The following FCHSD2 variants were observed in gnomAD, a reference collection of about 807,000 sequenced individuals.
The protein encoded by FCHSD2 is FCH and double SH3 domains 2, also known as F-BAR and double SH3 domains protein 2.
Under a neutral mutation model 108.1 loss-of-function variants are expected in FCHSD2, and 38 were observed. The ratio of observed to expected loss-of-function variants is 0.35; its 90% CI spans 0.27 to 0.46. The LOEUF is 0.46. Ranked by LOEUF, FCHSD2 falls within the 20% of genes least tolerant of loss-of-function variation. The probability of loss-of-function intolerance (pLI) is 1.00; values close to 1 mark genes in which losing one functional copy is unlikely to be tolerated. For missense variants in FCHSD2, 751 were observed against 897.8 expected (o/e 0.84, Z 2.09); for synonymous variants, 279 against 314.7 (o/e 0.89, Z 1.20).
chr11:73,020,553 T>C (rs937318555), intron 3 of FCHSD2, among the ~76,000 whole-genome samples: 4 of 152,218 alleles, frequency 2.6e-5, no homozygotes, highest in African/African-American at 9.6e-5. Flanking sequence ...ATTATGCAAT[T>C]ATTACCTTTA....
intron 13 of FCHSD2, among the ~76,000 whole-genome samples, chr11:72,858,249 G>C (rs1292571478): frequency 6.6e-6 from 1 of 152,118 alleles, no homozygotes; most frequent in Non-Finnish European, 1.5e-5. Context: ...AATACAACAT[G>C]AGTAAGTTAT....
At chr11:72,938,690 C>G (rs754716319) in intron 8 of FCHSD2, among the ~76,000 whole-genome samples, 1 of 152,044 alleles carries the variant, frequency 6.6e-6, no homozygotes, top group Non-Finnish European at 1.5e-5. Context: ...TTCTTTTACT[C>G]GTATTCTACA....
At chr11:73,057,528 GA>G (rs1235225682) in intron 3 of FCHSD2, among the ~76,000 whole-genome samples, 1 of 152,110 alleles carries the variant, frequency 6.6e-6, no homozygotes, top group Non-Finnish European at 1.5e-5. Context: ...GGAAAGGACA[GA>G]AGGGAAGAAG....
chr11:72,970,245 C>T (rs778520531), intron 8 of FCHSD2, among the ~76,000 whole-genome samples: 8 of 152,166 alleles, frequency 5.3e-5, no homozygotes, highest in Non-Finnish European at 8.8e-5. Context: ...ACAGTGCTCA[C>T]CACCTCAAGT....
intron 8 of FCHSD2, among the ~76,000 whole-genome samples, chr11:72,983,286 T>C (rs1315850771): frequency 7.0e-6 from 1 of 143,038 alleles, no homozygotes; most frequent in African/African-American, 2.6e-5. Flanking sequence ...AGAGCGAGAC[T>C]CCGTCTCAAA....
chr11:73,106,866 T>C (rs1339413185), intron 2 of FCHSD2, among the ~76,000 whole-genome samples: 1 of 152,144 alleles, frequency 6.6e-6, no homozygotes, highest in East Asian at 1.9e-4. Context: ...GTACATTCTA[T>C]GATGTTGATA....
At chr11:72,932,701 A>G (rs1373194501) in intron 8 of FCHSD2, among the ~76,000 whole-genome samples, 1 of 152,196 alleles carries the variant, frequency 6.6e-6, no homozygotes, top group Non-Finnish European at 1.5e-5. Context: ...TGATCATAGC[A>G]TACAACCTCA....
At chr11:72,992,156 T>C (rs1857428678) in intron 5 of FCHSD2, among the ~76,000 whole-genome samples, 1 of 152,124 alleles carries the variant, frequency 6.6e-6, no homozygotes, top group African/African-American at 2.4e-5. Flanking sequence ...TGAACTCCCA[T>C]TCACAACTGC....
intron 4 of FCHSD2, among the ~76,000 whole-genome samples, chr11:73,003,055 A>C (rs148171052): frequency 1.3e-5 from 2 of 152,316 alleles, no homozygotes; most frequent in Non-Finnish European, 2.9e-5. Flanking sequence ...AAAAAGACAA[A>C]TCCTTTCATT....
At chr11:73,005,431 T>C (rs1857718780) in intron 4 of FCHSD2, among the ~76,000 whole-genome samples, 1 of 152,156 alleles carries the variant, frequency 6.6e-6, no homozygotes, top group Admixed American at 6.6e-5. Flanking sequence ...TAGTTTATCC[T>C]TCTTGAAATG....
At chr11:72,944,955 C>T (rs554722760) in intron 8 of FCHSD2, among the ~76,000 whole-genome samples, 6 of 152,226 alleles carry the variant, frequency 3.9e-5, no homozygotes, top group South Asian at 2.1e-4. Flanking sequence ...GAATCAATAT[C>T]GTGAAAATGG....
intron 12 of FCHSD2, among the ~76,000 whole-genome samples, chr11:72,877,675 T>G: frequency 6.6e-6 from 1 of 152,206 alleles, no homozygotes; most frequent in South Asian, 2.1e-4. Flanking sequence ...GTTGTAGTTC[T>G]GAAAGTGCTT....
chr11:73,120,586 G>T (rs1036432927), intron 2 of FCHSD2, among the ~76,000 whole-genome samples: 6 of 151,852 alleles, frequency 4.0e-5, no homozygotes, highest in African/African-American at 1.5e-4. Context: ...AAAATTAGCC[G>T]GGCGTGGTGG....
intron 9 of FCHSD2, among the ~76,000 whole-genome samples, chr11:72,915,986 T>C (rs1349028840): frequency 6.6e-6 from 1 of 152,188 alleles, no homozygotes; most frequent in African/African-American, 2.4e-5. Flanking sequence ...AAATACCACA[T>C]GTTCTCATTT....
chr11:72,838,957 G>C (rs955776867), intron 19 of FCHSD2, 83 bp from the exon 20 acceptor site: 13 of 1,297,586 alleles, frequency 1.0e-5, no homozygotes, highest in African/African-American at 1.5e-5. Flanking sequence ...TCACTCATCT[G>C]TCCAAGGACA....
At chr11:73,078,701 T>C (rs1412475816) in intron 3 of FCHSD2, among the ~76,000 whole-genome samples, 2 of 151,768 alleles carry the variant, frequency 1.3e-5, no homozygotes, top group African/African-American at 4.8e-5. Flanking sequence ...GGGGCCCTGA[T>C]AATGTTCTTG....
chr11:73,029,408 T>C (rs370021960), intron 3 of FCHSD2, among the ~76,000 whole-genome samples: 19 of 152,250 alleles, frequency 1.2e-4, no homozygotes, highest in African/African-American at 4.3e-4. Context: ...CAGAGAAAGA[T>C]TTGGAGAGTA....
chr11:72,883,058 A>AAAGG lies in FCHSD2; in HGVS notation c.1146+4411_1146+4412insCCTT, dbSNP rs562502229. Among the ~76,000 whole-genome samples, 241 of 152,328 alleles carry AAAGG rather than the reference A, an allele frequency of 1.6e-3. 1 individual carries two copies. The highest frequency in any genetic ancestry group is 5.0e-3 in the South Asian group (24 of 4,826). On this transcript the variant is annotated intron_variant, in intron 12 of 19. Transcript: ENST00000409418. ...CGGGTGCAAAGGTAATGGGAAAAGC[A>AAAGG]TACTCTTTAAAATATGATGGTGGAA...
At chr11:73,028,468 G>A (rs866514113) in intron 3 of FCHSD2, among the ~76,000 whole-genome samples, 9 of 152,260 alleles carry the variant, frequency 5.9e-5, no homozygotes, top group African/African-American at 2.2e-4. Flanking sequence ...ATTGTATCTT[G>A]GAAGTAACTA....
Sources: gnomAD v4.1 joint callset for allele counts (sites outside exome capture counted in the v4.1 genomes callset) on GRCh38, gnomAD v4.1.1 for gene constraint, MANE v1.5 for transcripts, NCBI Gene and HGNC (gene_info 2026-07-23, HGNC 2026-07-21) for gene names.